The following NEGR1 variants were observed in gnomAD, a reference collection of about 807,000 sequenced individuals.
The protein encoded by NEGR1 is IgLON family member 4.
NEGR1 carries 10 observed loss-of-function variants against 40.9 expected under a neutral mutation model. That is an observed-to-expected ratio of 0.24 (90% CI 0.15 to 0.42). The LOEUF (loss-of-function observed/expected upper bound fraction) is 0.42, where lower values mean the gene tolerates loss of function less well. NEGR1 is among the 10% of genes least tolerant of loss of function. The probability of loss-of-function intolerance (pLI) is 1.00; values close to 1 mark genes in which losing one functional copy is unlikely to be tolerated. For missense variants in NEGR1, 352 were observed against 438.9 expected (o/e 0.80, Z 1.77); for synonymous variants, 185 against 166.8 (o/e 1.11, Z -0.84).
intron 1 of NEGR1, among the ~76,000 whole-genome samples, chr1:72,220,213 A>AT (rs1653965910): frequency 8.4e-6 from 1 of 119,140 alleles, no homozygotes; most frequent in Non-Finnish European, 1.9e-5. Flanking sequence ...AATTTTTAAG[A>AT]TAAAAAAATT....
At chr1:71,645,059 CTA>C (rs1414386419) in intron 4 of NEGR1, among the ~76,000 whole-genome samples, 3 of 151,920 alleles carry the variant, frequency 2.0e-5, no homozygotes, top group Admixed American at 6.6e-5. Context: ...CCTTGACAAT[CTA>C]TATTAAGGTG....
At chr1:71,562,731 T>C (rs1648500964) in intron 6 of NEGR1, among the ~76,000 whole-genome samples, 1 of 151,962 alleles carries the variant, frequency 6.6e-6, no homozygotes, top group Non-Finnish European at 1.5e-5. Context: ...TTTGTTCAGC[T>C]TTTGCTAGGT....
At chr1:71,520,281 G>A (rs1272127894) in intron 6 of NEGR1, among the ~76,000 whole-genome samples, 1 of 152,042 alleles carries the variant, frequency 6.6e-6, no homozygotes, top group Non-Finnish European at 1.5e-5. Flanking sequence ...CTAGTAAATA[G>A]TAATGCCTTT....
intron 2 of NEGR1, among the ~76,000 whole-genome samples, chr1:71,870,443 A>G (rs1380818400): frequency 6.6e-6 from 1 of 152,204 alleles, no homozygotes; most frequent in Non-Finnish European, 1.5e-5. Flanking sequence ...AGTAACAGAT[A>G]GTAGTTTGAA....
intron 1 of NEGR1, among the ~76,000 whole-genome samples, chr1:71,939,143 A>T (rs1211991806): frequency 3.3e-5 from 5 of 152,050 alleles, no homozygotes; most frequent in African/African-American, 7.2e-5. Context: ...TGCCTCAGTT[A>T]GTTTGTATTT....
chr1:71,605,158 A>C (rs897075157), intron 5 of NEGR1, among the ~76,000 whole-genome samples: 3 of 152,192 alleles, frequency 2.0e-5, no homozygotes, highest in Non-Finnish European at 4.4e-5. Context: ...AGTAAGTAAA[A>C]TACTATTTTT....
At chr1:72,079,720 C>T (rs1028329044) in intron 1 of NEGR1, among the ~76,000 whole-genome samples, 4 of 151,994 alleles carry the variant, frequency 2.6e-5, no homozygotes, top group African/African-American at 9.7e-5. Flanking sequence ...CCAAATATAC[C>T]TCCACAATAT....
chr1:71,546,389 A>G (rs939719478), intron 6 of NEGR1, among the ~76,000 whole-genome samples: 1 of 151,704 alleles, frequency 6.6e-6, no homozygotes, highest in Non-Finnish European at 1.5e-5. Context: ...TAAATAAGAC[A>G]GCATATGCTT....
At chr1:71,987,718 T>A (rs1344581474) in intron 1 of NEGR1, among the ~76,000 whole-genome samples, 2 of 152,068 alleles carry the variant, frequency 1.3e-5, no homozygotes, top group Non-Finnish European at 2.9e-5. Flanking sequence ...AAGGGGAAAA[T>A]TACATTCATT....
chr1:71,855,982 C>A (rs57975196), intron 2 of NEGR1, among the ~76,000 whole-genome samples: 18,370 of 151,972 alleles, frequency 0.12, 1,188 homozygotes, highest in African/African-American at 0.15. Context: ...CTCAAAAATG[C>A]CTTCTTACAG....
At chr1:71,632,521 AT>A (rs1229663731) in intron 4 of NEGR1, among the ~76,000 whole-genome samples, 2 of 150,848 alleles carry the variant, frequency 1.3e-5, no homozygotes, top group Non-Finnish European at 3.0e-5. Flanking sequence ...TAATAAAATG[AT>A]TGCATAAACT....
At chr1:72,208,944 GA>G (rs1177799218) in intron 1 of NEGR1, among the ~76,000 whole-genome samples, 3 of 151,374 alleles carry the variant, frequency 2.0e-5, no homozygotes, top group Non-Finnish European at 4.4e-5. Flanking sequence ...TAAAAAAATA[GA>G]AAAAAATATT....
intron 1 of NEGR1, among the ~76,000 whole-genome samples, chr1:72,182,080 G>T (rs1486582718): frequency 6.6e-6 from 1 of 152,082 alleles, no homozygotes; most frequent in Non-Finnish European, 1.5e-5. Flanking sequence ...ACAAAAAATG[G>T]GTAATTGTGT....
chr1:72,192,491 T>G (rs1186885222), intron 1 of NEGR1, among the ~76,000 whole-genome samples: 1 of 151,880 alleles, frequency 6.6e-6, no homozygotes, highest in Admixed American at 6.6e-5. Context: ...GAGTACTGAT[T>G]CCACATACCT....
chr1:72,241,804 TA>T (rs1557594147), intron 1 of NEGR1, among the ~76,000 whole-genome samples: 1 of 151,554 alleles, frequency 6.6e-6, no homozygotes, highest in Non-Finnish European at 1.5e-5. Flanking sequence ...GAAAAAAAAG[TA>T]ACAACACAGA....
intron 1 of NEGR1, among the ~76,000 whole-genome samples, chr1:72,231,312 C>A (rs1448175633): frequency 1.3e-5 from 2 of 152,030 alleles, no homozygotes; most frequent in Admixed American, 1.3e-4. Flanking sequence ...AAAGTTGCCT[C>A]CTCTATTAAT....
intron 1 of NEGR1, among the ~76,000 whole-genome samples, chr1:71,978,040 A>C (rs1027742904): frequency 3.3e-5 from 5 of 152,276 alleles, no homozygotes; most frequent in Non-Finnish European, 4.4e-5. Context: ...GTTTTTCTCA[A>C]ATTGCAAGAG....
chr1:71,949,671 A>G (rs1557450572), intron 1 of NEGR1, among the ~76,000 whole-genome samples: 1 of 152,084 alleles, frequency 6.6e-6, no homozygotes, highest in Non-Finnish European at 1.5e-5. Flanking sequence ...CTTTTGTTTC[A>G]AATTATCCTA....
At chr1:71,792,873 A>G (rs1344054093) in intron 2 of NEGR1, among the ~76,000 whole-genome samples, 1 of 152,088 alleles carries the variant, frequency 6.6e-6, no homozygotes, top group Non-Finnish European at 1.5e-5. Context: ...GTAGAGAAAT[A>G]TCTTATTTCT....
Sources: allele counts gnomAD v4.1 joint callset (sites outside exome capture counted in the v4.1 genomes callset), GRCh38; gene constraint gnomAD v4.1.1; transcripts MANE v1.5; gene names NCBI Gene and HGNC (gene_info 2026-07-23, HGNC 2026-07-21).